Variants in EGF observed in about 807,000 individuals in gnomAD.
EGF encodes the protein pro-epidermal growth factor.
EGF carries 95 observed loss-of-function variants against 143.8 expected under a neutral mutation model. That is an observed-to-expected ratio of 0.66 (90% confidence interval 0.56 to 0.78). The LOEUF is 0.78. Ranked by LOEUF, EGF falls within the 30% of genes least tolerant of loss-of-function variation. EGF has a pLI of 0.00. For synonymous variants in EGF, 510 were observed against 510.5 expected (o/e 1.00, Z 0.01); for missense variants, 1,320 against 1,470.9 (o/e 0.90, Z 1.68).
At chr4:110,001,728 G>T (rs1752597525) in intron 21 of EGF, 1 of 985,398 alleles carries the variant, frequency 1.0e-6, no homozygotes, top group South Asian at 4.7e-5. Flanking sequence ...GATGACTATA[G>T]ACTTTACATA....
At chr4:110,001,690 T>G in intron 21 of EGF, 1 of 985,442 alleles carries the variant, frequency 1.0e-6, no homozygotes, top group South Asian at 4.7e-5. Flanking sequence ...TTTTTAAACT[T>G]GGAATTCAAA....
At chr4:109,969,211 A>G in intron 11 of EGF, 92 bp downstream of exon 11, 1 of 1,566,418 alleles carries the variant, frequency 6.4e-7, no homozygotes, top group Non-Finnish European at 8.8e-7. Flanking sequence ...GAACACAGAA[A>G]AATGTTGCTG....
chr4:109,984,395 A>G (rs1749830148), intron 16 of EGF, among the ~76,000 whole-genome samples: 1 of 152,126 alleles, frequency 6.6e-6, no homozygotes, highest in Non-Finnish European at 1.5e-5. Flanking sequence ...TTTTTTTATA[A>G]GATATAAATA....
At chr4:109,956,653 A>C (rs964305541) in intron 5 of EGF, among the ~76,000 whole-genome samples, 1 of 152,226 alleles carries the variant, frequency 6.6e-6, no homozygotes, top group African/African-American at 2.4e-5. Context: ...CAAGAAAAAT[A>C]ATGTAACTAT....
intron 18 of EGF, among the ~76,000 whole-genome samples, chr4:109,989,007 C>T (rs546419440): frequency 3.0e-4 from 45 of 152,280 alleles, no homozygotes; most frequent in African/African-American, 1.0e-3. Context: ...ATCAATACTT[C>T]CCACCTTGAG....
chr4:109,974,835 C>G (rs755479812), intron 12 of EGF, 28 bp downstream of exon 12: 1 of 1,553,668 alleles, frequency 6.4e-7, no homozygotes, highest in South Asian at 1.1e-5. Flanking sequence ...TAAGGCACTG[C>G]TCTGCAGAGG....
chr4:109,971,674 C>G (rs2126090595), intron 11 of EGF, among the ~76,000 whole-genome samples: 1 of 152,230 alleles, frequency 6.6e-6, no homozygotes, highest in Non-Finnish European at 1.5e-5. Flanking sequence ...CTAAAGGCAG[C>G]TGCTAAAAGA....
intron 1 of EGF, among the ~76,000 whole-genome samples, chr4:109,939,840 A>G (rs1279772372): frequency 6.6e-6 from 1 of 152,240 alleles, no homozygotes; most frequent in African/African-American, 2.4e-5. Flanking sequence ...ACTTTTGATG[A>G]TAAAACAGAA....
chr4:109,957,649 A>G (rs1187367854), intron 5 of EGF, among the ~76,000 whole-genome samples: 1 of 152,246 alleles, frequency 6.6e-6, no homozygotes, highest in African/African-American at 2.4e-5. Context: ...AACCAAGCCT[A>G]TTTGGAGAAC....
At chr4:109,979,921 G>A (rs1749079262) in intron 13 of EGF, 51 bp from the exon 14 acceptor site, 1 of 1,602,294 alleles carries the variant, frequency 6.2e-7, no homozygotes. Flanking sequence ...TTCGTAAATA[G>A]TCATTGCAAA....
rs1427487853 is a variant in EGF at position 109,994,842 on chromosome 4, G to A, written c.2967G>A (p.Val989=). 1.2e-6 allele frequency: 2 copies of A among 1,614,110 alleles called. No homozygotes were observed. The highest frequency in any genetic ancestry group is 1.7e-6 in the Non-Finnish European group (2 of 1,180,000). ...SHDGYCLHDG[V]CMYIEALDKY... ...ATGGGTACTGCCTCCATGATGGTGT[G>A]TGCATGTATATTGAAGCATTGGACA... is the stretch of plus-strand genomic sequence containing the variant. Residue 989 remains valine, a synonymous_variant, in exon 20 of 24, where the codon GTG becomes GTA. Coordinates refer to ENST00000265171, the MANE Select transcript of EGF (RefSeq NM_001963.6).
intron 21 of EGF, 71 bp downstream of exon 21, chr4:109,999,917 A>G (rs1752343574): frequency 1.3e-6 from 2 of 1,599,416 alleles, no homozygotes; most frequent in Admixed American, 3.3e-5. Context: ...TGTCTCCTTG[A>G]GATGAGATGT....
chr4:109,948,771 C>T (rs1037292257), intron 5 of EGF, among the ~76,000 whole-genome samples: 1 of 152,138 alleles, frequency 6.6e-6, no homozygotes, highest in East Asian at 1.9e-4. Flanking sequence ...CAGGCATGAG[C>T]CACTGTGCCC....
Position 109,983,535 on chromosome 4 carries a change from G to A in EGF, c.2485G>A (p.Val829Met), listed in dbSNP as rs1278573516. The A allele has an allele frequency of 2.7e-5, 43 of 1,613,544 alleles. No homozygotes were observed. Among genetic ancestry groups the A allele is most frequent in the Non-Finnish European group, 3.5e-5 (41 of 1,179,766 alleles). Residue 829 changes from valine to methionine, a missense_variant, in exon 16 of 24, where the codon GTG (valine) becomes ATG (methionine). This residue lies in a region of EGF where 1,186 missense variants were observed against 1,313.7 expected (regional missense o/e 0.90). Transcript: ENST00000265171. ...SQHMLVAEIM[V>M]SDQDDCAPVG... is the part of the protein sequence containing the mutation. ...ACACATGCTAGTGGCTGAAATCATG[G>A]TGTCAGGTATGAATAACTAGTTCTC...
chr4:109,963,593 TAA>T (rs1247059259), intron 9 of EGF, among the ~76,000 whole-genome samples: 2 of 152,228 alleles, frequency 1.3e-5, no homozygotes, highest in Non-Finnish European at 2.9e-5. Flanking sequence ...ACTTTATAGT[TAA>T]GAGGCATTTA....
chr4:109,994,083 G>T (rs1383945040), intron 19 of EGF, among the ~76,000 whole-genome samples: 2 of 151,302 alleles, frequency 1.3e-5, no homozygotes, highest in Admixed American at 1.3e-4. Context: ...TCTTCTTAAA[G>T]GTACTGAAAA....
At chr4:110,009,580 C>A (rs1031977964) in intron 23 of EGF, among the ~76,000 whole-genome samples, 1 of 151,840 alleles carries the variant, frequency 6.6e-6, no homozygotes, top group Admixed American at 6.6e-5. Context: ...TTGTTTTTTT[C>A]CCCCCGCACT....
At chr4:109,943,145 T>C in intron 2 of EGF, 109 bp from the exon 3 acceptor site, 1 of 808,716 alleles carries the variant, frequency 1.2e-6, no homozygotes, top group Non-Finnish European at 1.9e-6. Flanking sequence ...TGGAACTGCA[T>C]AAAGATGACA....
intron 5 of EGF, among the ~76,000 whole-genome samples, chr4:109,954,313 A>C (rs1440262540): frequency 1.3e-5 from 2 of 152,170 alleles, no homozygotes; most frequent in Non-Finnish European, 2.9e-5. Context: ...TGGCCTCCCA[A>C]AGTGCTGGGA....
Sources: allele counts gnomAD v4.1 joint callset (sites outside exome capture counted in the v4.1 genomes callset), GRCh38; gene constraint gnomAD v4.1.1; regional missense constraint gnomAD v4.1.1; transcripts MANE v1.5; gene names NCBI Gene and HGNC (gene_info 2026-07-23, HGNC 2026-07-21).